The following WDR49 variants were observed in gnomAD, a reference collection of about 807,000 sequenced individuals.
The protein encoded by WDR49 is WD repeat domain 49, also known as cilia- and flagella-associated protein 337.
In WDR49, 107 loss-of-function variants were observed where a neutral mutation model predicts 119.5. The ratio of observed to expected loss-of-function variants is 0.90; its 90% CI spans 0.77 to 1.05. The LOEUF (loss-of-function observed/expected upper bound fraction) is 1.05. WDR49 is among the 50% of genes least tolerant of loss of function. The pLI is 0.00. For synonymous variants in WDR49, 425 were observed against 418.8 expected (o/e 1.01, Z -0.18); for missense variants, 1,240 against 1,220.5 (o/e 1.02, Z -0.24).
At chr3:167,636,873 A>T (rs1315862072) in intron 2 of WDR49, among the ~76,000 whole-genome samples, 1 of 151,256 alleles carries the variant, frequency 6.6e-6, no homozygotes, top group Non-Finnish European at 1.5e-5. Flanking sequence ...GTTTGAGTTC[A>T]TTGTAGATTC....
intron 2 of WDR49, among the ~76,000 whole-genome samples, chr3:167,628,320 T>C (rs767624852): frequency 2.0e-5 from 3 of 152,074 alleles, no homozygotes; most frequent in Non-Finnish European, 2.9e-5. Context: ...GGAATGCATG[T>C]CAAAAGCTGA....
chr3:167,554,654 C>CTA lies in WDR49; in HGVS notation c.1817_1818dup (p.Gly607Ter). The CTA allele has an allele frequency of 6.7e-7, 1 of 1,493,384 alleles. No individual in the cohort carries two copies. Among genetic ancestry groups the CTA allele is most frequent in the Non-Finnish European group, 9.2e-7 (1 of 1,088,544 alleles). 92.5% of individuals were successfully genotyped at this position (1,493,384 alleles called of 1,614,324 possible). On this transcript the variant is annotated frameshift_variant, in exon 10 of 19. Transcript: ENST00000682715. LOFTEE classifies it high-confidence loss of function. ...TAAAAACATTCTCCTTTTTACCTTCCTATAGTTTTCCATGAGGCATAATCA... is the reference window on the plus strand; with the variant it reads ...TAAAAACATTCTCCTTTTTACCTTCCTATATAGTTTTCCATGAGGCATAATCA...
intron 7 of WDR49, among the ~76,000 whole-genome samples, chr3:167,589,487 T>C (rs1267539730): frequency 6.6e-6 from 1 of 152,146 alleles, no homozygotes; most frequent in Non-Finnish European, 1.5e-5. Flanking sequence ...GTCATTGGTA[T>C]TTTGATAGGG....
At position 167,505,424 on chromosome 3, in the gene WDR49, A is replaced by T. The variant is rs1356198043; in HGVS notation, c.2775-8T>A. ...TCTTCTGATGGTCTGACACTGGAAG[A>T]AAATATTTCATGATGAAATACATTA... On this transcript the variant is annotated splice_polypyrimidine_tract_variant and splice_region_variant and intron_variant, in intron 16 of 18. Transcript: ENST00000682715. The T allele has an allele frequency of 8.6e-6, 13 of 1,518,222 alleles. No homozygotes were observed. Among genetic ancestry groups the T allele is most frequent in the Non-Finnish European group, 1.1e-5 (13 of 1,142,340 alleles). 94.0% of individuals were successfully genotyped at this position (1,518,222 alleles called of 1,614,324 possible).
Position 167,653,285 on chromosome 3 carries a change from A to C in WDR49, c.141T>G (p.Phe47Leu). 1 of 1,536,192 alleles carries C rather than the reference A, an allele frequency of 6.5e-7. No individual in the cohort carries two copies. Among genetic ancestry groups the C allele is most frequent in the Non-Finnish European group, 8.7e-7 (1 of 1,146,880 alleles). The change falls in exon 2 of 19, where the codon TTT (phenylalanine) becomes TTG (leucine). Residue 47 changes from phenylalanine (F) to leucine (L), a missense_variant. By Grantham distance (22) the Phe-to-Leu change is conservative. Transcript: ENST00000682715. ...LLENQLSVGD[F>L]VKIQKAFESP... ...CCTCAAAGGCCTTCTGTATTTTTAC[A>C]AAGTCACCCACGCTGAGTTGGTTTT...
chr3:167,563,731 T>C (rs1307849084), intron 8 of WDR49, among the ~76,000 whole-genome samples: 1 of 152,212 alleles, frequency 6.6e-6, no homozygotes, highest in Admixed American at 6.5e-5. Context: ...ACCTTAAACA[T>C]GTATTATTTC....
At chr3:167,634,636 C>T (rs1011748814) in intron 2 of WDR49, among the ~76,000 whole-genome samples, 1 of 151,542 alleles carries the variant, frequency 6.6e-6, no homozygotes, top group African/African-American at 2.4e-5. Flanking sequence ...TGGATTTAAC[C>T]ATAACTTATA....
intron 17 of WDR49, among the ~76,000 whole-genome samples, chr3:167,503,076 T>C (rs1380252262): frequency 6.6e-6 from 1 of 152,192 alleles, no homozygotes; most frequent in Non-Finnish European, 1.5e-5. Flanking sequence ...CTGTTCTCCA[T>C]ATCCGTGCAG....
intron 2 of WDR49, among the ~76,000 whole-genome samples, chr3:167,629,942 GGAATCTATTCCCGTT>G (rs1717294992): frequency 6.6e-6 from 1 of 152,094 alleles, no homozygotes; most frequent in African/African-American, 2.4e-5. Flanking sequence ...TTCTTGAGAT[GGAATCTATTCCCGTT>G]GAAGATGCTA....
At chr3:167,500,054 A>C in intron 18 of WDR49, 99 bp downstream of exon 18, 1 of 1,341,658 alleles carries the variant, frequency 7.5e-7, no homozygotes, top group Non-Finnish European at 9.9e-7. Context: ...GCAAACTACA[A>C]GACAAACACT....
chr3:167,490,874 T>C (rs1037290223), intron 18 of WDR49, among the ~76,000 whole-genome samples: 1 of 152,122 alleles, frequency 6.6e-6, no homozygotes, highest in African/African-American at 2.4e-5. Context: ...ACTTGCAAAT[T>C]GGACTGGTCT....
intron 8 of WDR49, among the ~76,000 whole-genome samples, chr3:167,571,038 A>T (rs1351859157): frequency 6.6e-6 from 1 of 152,088 alleles, no homozygotes; most frequent in African/African-American, 2.4e-5. Context: ...AAAAAAAAAA[A>T]AAAGATGGTA....
chr3:167,501,333 CA>C (rs1186906026), intron 17 of WDR49, among the ~76,000 whole-genome samples: 1 of 152,176 alleles, frequency 6.6e-6, no homozygotes, highest in East Asian at 1.9e-4. Flanking sequence ...TGTTAAATAG[CA>C]GATCATGGAC....
chr3:167,546,691 C>CAA (rs577403777), intron 10 of WDR49, among the ~76,000 whole-genome samples: 2 of 91,084 alleles, frequency 2.2e-5, no homozygotes, highest in African/African-American at 7.4e-5. Context: ...CTGTCAAGTG[C>CAA]AAAAAAAAAA....
intron 14 of WDR49, among the ~76,000 whole-genome samples, chr3:167,528,237 A>G (rs1752706415): frequency 6.6e-6 from 1 of 152,060 alleles, no homozygotes; most frequent in Non-Finnish European, 1.5e-5. Context: ...AAAAGGAACT[A>G]GTGGGGAAGG....
intron 18 of WDR49, among the ~76,000 whole-genome samples, chr3:167,496,394 C>T (rs1751354258): frequency 1.3e-5 from 2 of 152,024 alleles, no homozygotes; most frequent in Admixed American, 1.3e-4. Flanking sequence ...GCTTTCTTAG[C>T]ACACCATATT....
chr3:167,516,286 T>C (rs1042559386), intron 16 of WDR49, among the ~76,000 whole-genome samples: 4 of 131,652 alleles, frequency 3.0e-5, no homozygotes, highest in Non-Finnish European at 6.4e-5. Context: ...TGTGTGATGT[T>C]CCCCTTCCTG....
At chr3:167,554,204 C>T (rs1329089495) in intron 10 of WDR49, among the ~76,000 whole-genome samples, 2 of 152,002 alleles carry the variant, frequency 1.3e-5, no homozygotes, top group African/African-American at 2.4e-5. Context: ...AAGTGCCTTT[C>T]GAAAGACATT....
At chr3:167,480,064 C>T (rs1212792182) in intron 18 of WDR49, among the ~76,000 whole-genome samples, 1 of 151,602 alleles carries the variant, frequency 6.6e-6, no homozygotes, top group Non-Finnish European at 1.5e-5. Flanking sequence ...AACCCCGTCT[C>T]TACCAAAAAT....
Sources: gnomAD v4.1 joint callset for allele counts (sites outside exome capture counted in the v4.1 genomes callset) on GRCh38, gnomAD v4.1.1 for gene constraint, MANE v1.5 for transcripts, NCBI Gene and HGNC (gene_info 2026-07-23, HGNC 2026-07-21) for gene names.